The following BTBD6 variants were observed in gnomAD, a reference collection of about 807,000 sequenced individuals.
The protein encoded by BTBD6 is BTB domain containing 6, also known as BTB/POZ domain-containing protein 6.
A neutral mutation model predicts 40.6 loss-of-function variants in BTBD6; 30 were observed. The ratio of observed to expected loss-of-function variants is 0.74; its 90% CI spans 0.55 to 1.00. The LOEUF (loss-of-function observed/expected upper bound fraction) is 1.00. Ranked by LOEUF, BTBD6 falls within the 50% of genes least tolerant of loss-of-function variation. BTBD6 has a pLI of 0.00. For synonymous variants in BTBD6, 378 were observed against 308.7 expected, an observed-to-expected ratio of 1.22 and a Z score of -2.35; for missense variants, 698 against 694.6, an observed-to-expected ratio of 1.00 and a Z score of -0.06.
chr14:105,248,679 G>A lies in BTBD6; in HGVS notation c.-33G>A. ...GGCGGGGGTGGCAGGGGAGCGGGTGGCAGCCCCGCGGGTCACAGCGCCGCC... is the reference window on the plus strand; with the variant it reads ...GGCGGGGGTGGCAGGGGAGCGGGTGACAGCCCCGCGGGTCACAGCGCCGCC... On this transcript the variant is annotated 5_prime_UTR_variant, in exon 1 of 4. Transcript: ENST00000392554. 10 of 981,850 alleles carry A rather than the reference G, an allele frequency of 1.0e-5. No individual in the cohort carries two copies. Among genetic ancestry groups the A allele is most frequent in the Non-Finnish European group, 1.2e-5 (10 of 828,934 alleles). 60.8% of individuals were successfully genotyped at this position (981,850 alleles called of 1,614,324 possible). A position where few individuals can be genotyped will look rare whatever the true frequency, so the allele number is the denominator to read the frequency against.
Position 105,249,873 on chromosome 14 carries a change from G to GT in BTBD6, c.818_819insT (p.Ser274ValfsTer6). ...GACGCACAGGCCGAGATGGCCCTAC[G>GT]GTCCGAAGGCTTCTGTGAGATAGAC... On this transcript the variant is annotated frameshift_variant, in exon 4 of 4. Transcript: ENST00000392554. LOFTEE classifies it high-confidence loss of function. 1 of 1,612,154 alleles carries GT rather than the reference G, an allele frequency of 6.2e-7. No homozygotes were observed. Among genetic ancestry groups the GT allele is most frequent in the Non-Finnish European group, 8.5e-7 (1 of 1,180,014 alleles).
chr14:105,251,003 G>A lies in BTBD6; in HGVS notation c.*331G>A. ...CCTCTTGGATTCTAAGTGGTTCCAA[G>A]CTTAACTTGAGACCTTCCCTTCAAA... On this transcript the variant is annotated 3_prime_UTR_variant, in exon 4 of 4. Coordinates refer to ENST00000392554, the MANE Select transcript of BTBD6 (RefSeq NM_001387567.1). 3.3e-6 allele frequency: 1 copy of A among 304,696 alleles called. No individual in the cohort carries two copies. Among genetic ancestry groups the A allele is most frequent in the East Asian group, 6.2e-5 (1 of 16,256 alleles). The allele number at this position is 304,696 out of a possible 1,614,324, so 18.9% of individuals were successfully genotyped here.
At chr14:105,249,106 C>CCCCGCG (rs2055394075) in intron 1 of BTBD6, 21 bp downstream of exon 1, 1 of 1,497,198 alleles carries the variant, frequency 6.7e-7, no homozygotes, top group Non-Finnish European at 8.8e-7. Flanking sequence ...GCCCCGCGGC[C>CCCCGCG]CCCGCGCCCG....
intron 3 of BTBD6, 50 bp from the exon 4 acceptor site, chr14:105,249,590 G>A (rs760264735): frequency 1.9e-6 from 3 of 1,586,180 alleles, no homozygotes; most frequent in African/African-American, 1.3e-5. Context: ...GCCCAGCCCC[G>A]CGATGGGTGC....
In BTBD6 at chr14:105,249,716, G is replaced by A. The variant is rs747388147; in HGVS notation, c.661G>A (p.Val221Ile). 7.4e-6 allele frequency: 12 copies of A among 1,613,822 alleles called. No homozygotes were observed. The highest frequency in any genetic ancestry group is 2.2e-5 in the East Asian group (1 of 44,888). Residue 221 changes from valine to isoleucine, a missense_variant, in exon 4 of 4, where the codon GTC (valine) becomes ATC (isoleucine). By Grantham distance (29) the Val-to-Ile change is conservative. Transcript: ENST00000392554. ...TCTGTACGCTGCTAAGAAGTACATCGTCCCAGCATTGGCAAAAGCCTGTGT... is the reference window on the plus strand; with the variant it reads ...TCTGTACGCTGCTAAGAAGTACATCATCCCAGCATTGGCAAAAGCCTGTGT... ...ATLYAAKKYI[V>I]PALAKACVNF...
Position 105,250,352 on chromosome 14 carries a change from T to A in BTBD6, c.1297T>A (p.Ser433Thr). The A allele has an allele frequency of 6.2e-7, 1 of 1,613,588 alleles. No individual in the cohort carries two copies. The highest frequency in any genetic ancestry group is 1.1e-5 in the South Asian group (1 of 91,086). Residue 433 changes from serine to threonine, a missense_variant, in exon 4 of 4, where the codon TCT (serine) becomes ACT (threonine). Ser to Thr is a moderately conservative substitution (Grantham distance 58). Coordinates refer to ENST00000392554, the MANE Select transcript of BTBD6 (RefSeq NM_001387567.1). ...IAGLGLYGSSSGKAEYSVKIE... is the reference protein window; with the variant it reads ...IAGLGLYGSSTGKAEYSVKIE... ...AGGGCTGGGCCTGTATGGCTCCAGC[T>A]CTGGGAAGGCTGAGTACAGCGTGAA...
In BTBD6 at chr14:105,248,623, G is replaced by T; in HGVS notation, c.-89G>T. On this transcript the variant is annotated 5_prime_UTR_variant, in exon 1 of 4. Transcript: ENST00000392554. Reference sequence around the variant, plus strand: ...CCCCGCGGCCGGGCCTGGCCGGGCTGCGCTAGGCTGGGCTCGGGCAGGGTC... The same window carrying T: ...CCCCGCGGCCGGGCCTGGCCGGGCTTCGCTAGGCTGGGCTCGGGCAGGGTC... 7 of 978,630 alleles carry T rather than the reference G, an allele frequency of 7.2e-6. No homozygotes were observed. Among genetic ancestry groups the T allele is most frequent in the Non-Finnish European group, 8.5e-6 (7 of 826,810 alleles). 60.6% of individuals were successfully genotyped at this position (978,630 alleles called of 1,614,324 possible).
rs2055556817 is a variant in BTBD6, at chr14:105,250,725, A to C, written c.*53A>C. 6.5e-7 allele frequency: 1 copy of C among 1,529,918 alleles called. No individual in the cohort carries two copies. The allele number at this position is 1,529,918 out of a possible 1,614,324, so 94.8% of individuals were successfully genotyped here. ...GCGAGTGAGTGGAGGGGAAGTCAAG[A>C]TGCTAACTGCTTCTTGACACCATGA... On this transcript the variant is annotated 3_prime_UTR_variant, in exon 4 of 4. Coordinates refer to ENST00000392554, the MANE Select transcript of BTBD6 (RefSeq NM_001387567.1).
In BTBD6 at chr14:105,249,355, CCCAGTA is replaced by C; in HGVS notation, c.466-3_468del. 1 of 1,609,936 alleles carries C rather than the reference CCCAGTA, an allele frequency of 6.2e-7. No homozygotes were observed. The highest frequency in any genetic ancestry group is 2.2e-5 in the East Asian group (1 of 44,834). ...CAGGCTCACGGCGGCGCTTTCTCCT[CCCAGTA>C]CGTCTTGGCTGTCGGCAGCTCCGTC... is the stretch of plus-strand genomic sequence containing the variant. On this transcript the variant is annotated splice_acceptor_variant and splice_polypyrimidine_tract_variant and coding_sequence_variant and intron_variant, in exon 3 of 4. Coordinates refer to ENST00000392554, the MANE Select transcript of BTBD6 (RefSeq NM_001387567.1). LOFTEE classifies it high-confidence loss of function.
In BTBD6 at chr14:105,250,767, T is replaced by A. The variant is rs587680204; in HGVS notation, c.*95T>A. On this transcript the variant is annotated 3_prime_UTR_variant, in exon 4 of 4. Transcript: ENST00000392554. ...ACACCATGAAAGGCTGCTCTTAACT[T>A]TGTCTCTCTTTGACATGTAGTCAGC... 2 of 1,277,234 alleles carry A rather than the reference T, an allele frequency of 1.6e-6. No homozygotes were observed. The highest frequency in any genetic ancestry group is 2.9e-5 in the South Asian group (2 of 68,170). 79.1% of individuals were successfully genotyped at this position (1,277,234 alleles called of 1,614,324 possible).
In BTBD6 at chr14:105,248,592, G is replaced by T. The variant is rs2055321833; in HGVS notation, c.-120G>T. 4.2e-6 allele frequency: 4 copies of T among 958,244 alleles called. No homozygotes were observed. The highest frequency in any genetic ancestry group is 4.9e-6 in the Non-Finnish European group (4 of 809,384). 59.4% of individuals were successfully genotyped at this position (958,244 alleles called of 1,614,324 possible). On this transcript the variant is annotated 5_prime_UTR_variant, in exon 1 of 4. Coordinates refer to ENST00000392554, the MANE Select transcript of BTBD6 (RefSeq NM_001387567.1). ...GCTCGGGCGGGCGGGCGGGCGGGACGGCGCCCCCCGCGGCCGGGCCTGGCC... is the reference window on the plus strand; with the variant it reads ...GCTCGGGCGGGCGGGCGGGCGGGACTGCGCCCCCCGCGGCCGGGCCTGGCC...
rs2055317851 is a variant in BTBD6 at position 105,248,583 on chromosome 14, G to GGGCGGGCGGGAC, written c.-123_-122insCGGGACGGCGGG. On this transcript the variant is annotated 5_prime_UTR_variant, in exon 1 of 4. Coordinates refer to ENST00000392554, the MANE Select transcript of BTBD6 (RefSeq NM_001387567.1). Reference sequence around the variant, plus strand: ...CGGGTACGGGCTCGGGCGGGCGGGCGGGCGGGACGGCGCCCCCCGCGGCCG... The same window carrying GGGCGGGCGGGAC: ...CGGGTACGGGCTCGGGCGGGCGGGCGGGCGGGCGGGACGGCGGGACGGCGCCCCCCGCGGCCG... 1.4e-6 allele frequency: 1 copy of GGGCGGGCGGGAC among 729,010 alleles called. No homozygotes were observed. The highest frequency in any genetic ancestry group is 1.2e-4 in the East Asian group (1 of 8,170). 45.2% of individuals were successfully genotyped at this position (729,010 alleles called of 1,614,324 possible). A position where few individuals can be genotyped will look rare whatever the true frequency, so the allele number is the denominator to read the frequency against.
At chr14:105,249,299 CGTGT>C (rs750002783) in intron 2 of BTBD6, 52 bp downstream of exon 2, 1 of 1,580,456 alleles carries the variant, frequency 6.3e-7, no homozygotes, top group African/African-American at 1.3e-5. Context: ...CCCCGTCCGC[CGTGT>C]GGCTGACACG....
Position 105,249,374 on chromosome 14 carries a change from C to A in BTBD6, c.480C>A (p.Val160=), listed in dbSNP as rs1247228949. 2 of 1,611,294 alleles carry A rather than the reference C, an allele frequency of 1.2e-6. No homozygotes were observed. Among genetic ancestry groups the A allele is most frequent in the Admixed American group, 1.7e-5 (1 of 59,824 alleles). ...TVPAHKYVLA[V]GSSVFYAMFY... The stretch of plus-strand genomic sequence containing the variant: ...TCTCCTCCCAGTACGTCTTGGCTGT[C>A]GGCAGCTCCGTCTTCTATGCCATGT... The change falls in exon 3 of 4, where the codon GTC becomes GTA. Residue 160 remains valine, a synonymous_variant. Coordinates refer to ENST00000392554, the MANE Select transcript of BTBD6 (RefSeq NM_001387567.1).
In BTBD6 at chr14:105,250,867, A is replaced by G. The variant is rs1360820844; in HGVS notation, c.*195A>G. 1.7e-5 allele frequency: 11 copies of G among 636,676 alleles called. No homozygotes were observed. The East Asian group carries it at 2.3e-4, about 13-fold the overall frequency. 39.4% of individuals were successfully genotyped at this position (636,676 alleles called of 1,614,324 possible). On this transcript the variant is annotated 3_prime_UTR_variant, in exon 4 of 4. Transcript: ENST00000392554. ...TTGGAGTCTTAGGCATCTCTGGTAC[A>G]GTGGGGTGCACGTCTCAGGTGGAGG...
chr14:105,249,124 C>A (rs1055678713), intron 1 of BTBD6, 33 bp from the exon 2 acceptor site: 5 of 1,521,574 alleles, frequency 3.3e-6, no homozygotes, highest in Non-Finnish European at 4.4e-6. Context: ...CCGCGCGCGC[C>A]CACGCCCCCA....
In BTBD6 at chr14:105,250,366, G is replaced by A; in HGVS notation, c.1311G>A (p.Glu437=). The A allele has an allele frequency of 6.2e-7, 1 of 1,613,760 alleles. No homozygotes were observed. Among genetic ancestry groups the A allele is most frequent in the Non-Finnish European group, 8.5e-7 (1 of 1,180,032 alleles). The part of the protein sequence containing the change: ...GLYGSSSGKA[E]YSVKIELKRL... Reference sequence around the variant, plus strand: ...ATGGCTCCAGCTCTGGGAAGGCTGAGTACAGCGTGAAGATTGAGCTCAAGC... The same window carrying A: ...ATGGCTCCAGCTCTGGGAAGGCTGAATACAGCGTGAAGATTGAGCTCAAGC... The change falls in exon 4 of 4, where the codon GAG becomes GAA. Residue 437 remains glutamate (E), a synonymous_variant. Coordinates refer to ENST00000392554, the MANE Select transcript of BTBD6 (RefSeq NM_001387567.1).
chr14:105,249,637 T>TA lies in BTBD6; in HGVS notation c.585-2dup. The stretch of plus-strand genomic sequence containing the variant: ...CCCCTGACGCGGGCCCTGCCTCGCC[T>TA]AGGTACATGTACAGTGATGAGATCG... On this transcript the variant is annotated splice_region_variant and splice_polypyrimidine_tract_variant and intron_variant, in intron 3 of 3. Coordinates refer to ENST00000392554, the MANE Select transcript of BTBD6 (RefSeq NM_001387567.1). The TA allele has an allele frequency of 6.2e-7, 1 of 1,603,786 alleles. No individual in the cohort carries two copies. The highest frequency in any genetic ancestry group is 1.1e-5 in the South Asian group (1 of 90,618).
Position 105,249,771 on chromosome 14 carries a change from A to G in BTBD6, c.716A>G (p.Lys239Arg), listed in dbSNP as rs1201170777. The change falls in exon 4 of 4, where the codon AAG (lysine) becomes AGG (arginine). Residue 239 changes from lysine to arginine, a missense_variant. Coordinates refer to ENST00000392554, the MANE Select transcript of BTBD6 (RefSeq NM_001387567.1). ...VNFLETSLEA[K>R]NACVLLSQSR... Reference sequence around the variant, plus strand: ...TTTCTGGAGACAAGTTTGGAAGCCAAGAACGCCTGCGTCCTGCTGTCCCAG... The same window carrying G: ...TTTCTGGAGACAAGTTTGGAAGCCAGGAACGCCTGCGTCCTGCTGTCCCAG... 9 of 1,613,886 alleles carry G rather than the reference A, an allele frequency of 5.6e-6. No individual in the cohort carries two copies. The East Asian group carries it at 1.1e-4, about 20-fold the overall frequency.
Sources: gnomAD v4.1 joint callset for allele counts on GRCh38, gnomAD v4.1.1 for gene constraint, MANE v1.5 for transcripts, NCBI Gene and HGNC (gene_info 2026-07-23, HGNC 2026-07-21) for gene names.